The following SLC25A12 variants were observed in gnomAD, a reference collection of about 807,000 sequenced individuals.
SLC25A12 encodes electrogenic aspartate/glutamate antiporter SLC25A12, mitochondrial.
A neutral mutation model predicts 83.3 loss-of-function variants in SLC25A12; 32 were observed. The observed-to-expected ratio is 0.38, with a 90% CI of 0.29 to 0.52. The LOEUF (loss-of-function observed/expected upper bound fraction) is 0.52, where lower values mean the gene tolerates loss of function less well. Ranked by LOEUF, SLC25A12 falls within the 20% of genes least tolerant of loss-of-function variation. The pLI, the probability that SLC25A12 is intolerant of heterozygous loss-of-function variation, is 0.84. For synonymous variants in SLC25A12, 267 were observed against 291.1 expected, an observed-to-expected ratio of 0.92 and a Z score of 0.84; for missense variants, 611 against 835.6, an observed-to-expected ratio of 0.73 and a Z score of 3.31.
At chr2:171,893,822 A>T (rs1259051901) in intron 1 of SLC25A12, among the ~76,000 whole-genome samples, 2 of 151,236 alleles carry the variant, frequency 1.3e-5, no homozygotes, top group Non-Finnish European at 2.9e-5. Context: ...CTCAATACTT[A>T]CTCCCTCCCC....
chr2:171,878,117 C>A (rs755035879), intron 2 of SLC25A12, among the ~76,000 whole-genome samples: 3 of 152,058 alleles, frequency 2.0e-5, no homozygotes, highest in Non-Finnish European at 2.9e-5. Context: ...AGGCACTATG[C>A]CTGGTGCCTG....
chr2:171,839,075 T>C (rs901707580), intron 5 of SLC25A12, among the ~76,000 whole-genome samples: 2 of 152,210 alleles, frequency 1.3e-5, no homozygotes, highest in Admixed American at 6.5e-5. Context: ...TATTGTAAAA[T>C]AGACTCTGTA....
At chr2:171,815,054 G>A in intron 10 of SLC25A12, 67 bp downstream of exon 10, 1 of 1,287,020 alleles carries the variant, frequency 7.8e-7, no homozygotes, top group Non-Finnish European at 1.1e-6. Context: ...TTGCTGATCT[G>A]CCTCAGTCTG....
intron 14 of SLC25A12, 143 bp from the exon 15 acceptor site, chr2:171,791,732 C>T (rs991808455): frequency 1.3e-6 from 1 of 775,414 alleles, no homozygotes; most frequent in Admixed American, 1.9e-5. Flanking sequence ...AGCATTAGAA[C>T]TGATGTGCAA....
intron 15 of SLC25A12, 63 bp downstream of exon 15, chr2:171,791,388 A>G: frequency 7.5e-7 from 1 of 1,342,140 alleles, no homozygotes; most frequent in Non-Finnish European, 1.1e-6. Flanking sequence ...GAAAGTACAT[A>G]GAGATTCTGT....
rs111490884 is a variant in SLC25A12 at position 171,886,106 on chromosome 2, A to C, written c.66+7099T>G. 2.2e-4 allele frequency among the ~76,000 whole-genome samples: 33 copies of C among 152,286 alleles called. 1 individual carries two copies. The highest frequency in any genetic ancestry group is 7.5e-4 in the African/African-American group (31 of 41,570). ...TACTTATTTGCATCTTTCTCACTTAATAGTACATTGCAAAATTTCTCTAAA... is the reference window on the plus strand; with the variant it reads ...TACTTATTTGCATCTTTCTCACTTACTAGTACATTGCAAAATTTCTCTAAA... On this transcript the variant is annotated intron_variant, in intron 2 of 17. Coordinates refer to ENST00000422440, the MANE Select transcript of SLC25A12 (RefSeq NM_003705.5).
At chr2:171,839,428 G>A (rs1684625731) in intron 5 of SLC25A12, among the ~76,000 whole-genome samples, 1 of 152,120 alleles carries the variant, frequency 6.6e-6, no homozygotes, top group African/African-American at 2.4e-5. Context: ...GAGAACTAAA[G>A]GAAAGATAAA....
chr2:171,853,509 C>G (rs1045143823), intron 4 of SLC25A12, among the ~76,000 whole-genome samples: 1 of 152,150 alleles, frequency 6.6e-6, no homozygotes, highest in Non-Finnish European at 1.5e-5. Flanking sequence ...GGCGAAGCCC[C>G]GTCTCTACTA....
intron 8 of SLC25A12, among the ~76,000 whole-genome samples, chr2:171,830,117 G>A (rs1000081169): frequency 6.6e-6 from 1 of 152,142 alleles, no homozygotes; most frequent in South Asian, 2.1e-4. Context: ...GCAGTGTTGA[G>A]CCCTCTTTTG....
At chr2:171,847,160 T>G (rs1042950616) in intron 4 of SLC25A12, among the ~76,000 whole-genome samples, 1 of 152,226 alleles carries the variant, frequency 6.6e-6, no homozygotes, top group Non-Finnish European at 1.5e-5. Context: ...AGACACATCA[T>G]GGACTACTAT....
chr2:171,820,191 A>G (rs1358396477), intron 9 of SLC25A12, among the ~76,000 whole-genome samples: 1 of 152,230 alleles, frequency 6.6e-6, no homozygotes, highest in Non-Finnish European at 1.5e-5. Flanking sequence ...TACCTATGTA[A>G]CAAACCTTCA....
intron 5 of SLC25A12, among the ~76,000 whole-genome samples, chr2:171,841,940 T>C (rs1417498232): frequency 6.6e-6 from 1 of 152,042 alleles, no homozygotes; most frequent in African/African-American, 2.4e-5. Flanking sequence ...AACAGGAAAA[T>C]GGTGCAGCTG....
intron 8 of SLC25A12, among the ~76,000 whole-genome samples, chr2:171,827,790 T>C (rs924997768): frequency 6.6e-6 from 1 of 152,220 alleles, no homozygotes; most frequent in African/African-American, 2.4e-5. Flanking sequence ...ACTGGTAACA[T>C]ATCTTGGCAA....
At chr2:171,817,813 A>G (rs567819875) in intron 9 of SLC25A12, among the ~76,000 whole-genome samples, 7 of 152,252 alleles carry the variant, frequency 4.6e-5, no homozygotes, top group African/African-American at 1.7e-4. Flanking sequence ...TAATACCCTT[A>G]TTCATATAAA....
chr2:171,846,301 C>T (rs1684797259), intron 4 of SLC25A12, among the ~76,000 whole-genome samples: 1 of 151,942 alleles, frequency 6.6e-6, no homozygotes, highest in African/African-American at 2.4e-5. Context: ...ATAGTTATTT[C>T]ATGGTAACCT....
intron 13 of SLC25A12, among the ~76,000 whole-genome samples, chr2:171,804,105 GAACA>G (rs1010557763): frequency 1.3e-5 from 2 of 152,052 alleles, no homozygotes; most frequent in African/African-American, 2.4e-5. Flanking sequence ...ACTAATGAAT[GAACA>G]AACTGTAGTA....
chr2:171,789,763 A>G (rs1412488319), intron 15 of SLC25A12, among the ~76,000 whole-genome samples: 1 of 152,132 alleles, frequency 6.6e-6, no homozygotes, highest in African/African-American at 2.4e-5. Context: ...GCATGGTGGT[A>G]CACGCCTGTA....
chr2:171,787,499 T>G, intron 17 of SLC25A12, 72 bp downstream of exon 17: 1 of 1,203,976 alleles, frequency 8.3e-7, no homozygotes, highest in Non-Finnish European at 1.2e-6. Context: ...GCAACAATGC[T>G]TTTGTAGACA....
chr2:171,801,307 T>C (rs1421916821), intron 13 of SLC25A12, among the ~76,000 whole-genome samples: 1 of 152,196 alleles, frequency 6.6e-6, no homozygotes, highest in African/African-American at 2.4e-5. Context: ...CTCCAGCATA[T>C]ATTAGCTGTG....
Sources: gnomAD v4.1 joint callset for allele counts (sites outside exome capture counted in the v4.1 genomes callset) on GRCh38, gnomAD v4.1.1 for gene constraint, MANE v1.5 for transcripts, NCBI Gene and HGNC (gene_info 2026-07-23, HGNC 2026-07-21) for gene names.